PRR16: variants seen among roughly 807,000 people sequenced by gnomAD.
The protein encoded by PRR16 is protein Largen.
A neutral mutation model predicts 18.2 loss-of-function variants in PRR16; 6 were observed. That is an observed-to-expected ratio of 0.33 (90% confidence interval 0.18 to 0.65). The LOEUF is 0.65. Among genes scored for constraint, PRR16 ranks in the 30% least tolerant of loss-of-function variants. The pLI, the probability that PRR16 is intolerant of heterozygous loss-of-function variation, is 0.74. For synonymous variants in PRR16, 151 were observed against 147.8 expected (o/e 1.02, Z -0.16); for missense variants, 412 against 376.6 (o/e 1.09, Z -0.78).
chr5:120,698,402 G>A, the PRR16 span, among the ~76,000 whole-genome samples: 3 of 151,958 alleles, frequency 2.0e-5, no homozygotes, highest in African/African-American at 7.3e-5. Context: ...GTGCCTAAGG[G>A]GTTTCAGCAA....
intron 1 of PRR16, among the ~76,000 whole-genome samples, chr5:120,564,625 T>G (rs1354051429): frequency 2.0e-5 from 3 of 152,060 alleles, no homozygotes; most frequent in African/African-American, 4.8e-5. Flanking sequence ...CAGCCACTAT[T>G]GGGGGGTGGA....
At chr5:120,664,024 C>T (rs1383066521) in intron 1 of PRR16, among the ~76,000 whole-genome samples, 1 of 152,076 alleles carries the variant, frequency 6.6e-6, no homozygotes, top group Admixed American at 6.6e-5. Flanking sequence ...TCTGGCCGGG[C>T]GCGGTGGCTC....
At chr5:120,495,320 A>G (rs1172691379) in intron 1 of PRR16, among the ~76,000 whole-genome samples, 2 of 152,082 alleles carry the variant, frequency 1.3e-5, no homozygotes, top group African/African-American at 4.8e-5. Flanking sequence ...GAGTGATTGT[A>G]AATACATTAG....
Position 120,531,665 on chromosome 5 carries a change from C to T in PRR16, c.159+67020C>T, listed in dbSNP as rs75017769. ...TTTATTTAGGTAGCTTTGTTTTTGA[C>T]GTTTTGCCATTGTCACTATCTAAAT... On this transcript the variant is annotated intron_variant, in intron 1 of 1. Coordinates refer to ENST00000407149, the MANE Select transcript of PRR16 (RefSeq NM_001300783.2). 271 of 152,052 alleles carry T rather than the reference C, an allele frequency of 1.8e-3. 4 individuals are homozygous for T. The highest frequency in any genetic ancestry group is 6.1e-3 in the African/African-American group (253 of 41,488). The allele number at this position is 152,052 out of a possible 1,614,324, so 9.4% of individuals were successfully genotyped here.
rs528024247 is a variant in PRR16, at chr5:120,515,409, A to G, written c.159+50764A>G. Among the ~76,000 whole-genome samples the G allele has an allele frequency of 1.7e-3, 264 of 152,314 alleles. 2 individuals are homozygous for G. The highest frequency in any genetic ancestry group is 5.6e-3 in the South Asian group (27 of 4,830). ...GCAAAAATGTCATATATTTTATCCT[A>G]TTTTCAACACAAGTCCCTTTCTAAA... On this transcript the variant is annotated intron_variant, in intron 1 of 1. Transcript: ENST00000407149.
At chr5:120,499,496 A>G (rs1322674716) in intron 1 of PRR16, among the ~76,000 whole-genome samples, 2 of 151,906 alleles carry the variant, frequency 1.3e-5, no homozygotes, top group Non-Finnish European at 2.9e-5. Flanking sequence ...CTATTGTTAT[A>G]TCTTCAATTC....
intron 1 of PRR16, among the ~76,000 whole-genome samples, chr5:120,621,302 C>A (rs771125937): frequency 2.0e-5 from 3 of 152,000 alleles, no homozygotes; most frequent in South Asian, 2.1e-4. Context: ...TTGCCATTGC[C>A]ACCTGGGCTT....
chr5:120,503,871 T>C (rs982514856), intron 1 of PRR16, among the ~76,000 whole-genome samples: 3 of 151,102 alleles, frequency 2.0e-5, no homozygotes, highest in Non-Finnish European at 4.4e-5. Flanking sequence ...TTCCCACCTA[T>C]GAGTGAGAAC....
chr5:120,566,464 A>T (rs982769339), intron 1 of PRR16, among the ~76,000 whole-genome samples: 2 of 152,090 alleles, frequency 1.3e-5, no homozygotes, highest in East Asian at 3.9e-4. Flanking sequence ...AATCTTGTTG[A>T]GCTTTATGTA....
chr5:120,676,457 GTC>G (rs967321455), intron 1 of PRR16, among the ~76,000 whole-genome samples: 2 of 151,520 alleles, frequency 1.3e-5, no homozygotes, highest in Admixed American at 6.6e-5. Flanking sequence ...TAGACCTTGG[GTC>G]TCTAACAACA....
intron 1 of PRR16, among the ~76,000 whole-genome samples, chr5:120,556,233 GTTTTTTTTTT>G (rs34053155): frequency 1.9e-4 from 23 of 121,760 alleles, no homozygotes; most frequent in Non-Finnish European, 3.2e-4. Flanking sequence ...CAATTTCATT[GTTTTTTTTTT>G]TTTTTTTTTG....
At chr5:120,700,805 G>A in the PRR16 span, among the ~76,000 whole-genome samples, 46 of 152,260 alleles carry the variant, frequency 3.0e-4, no homozygotes, top group South Asian at 1.2e-3. Flanking sequence ...AAAGCTCGGC[G>A]TCGGTGATGG....
intron 1 of PRR16, chr5:120,481,085 CTTTGATA>C: frequency 8.5e-7 from 1 of 1,172,018 alleles, no homozygotes; most frequent in East Asian, 6.5e-5. Context: ...ATCTAATTCC[CTTTGATA>C]TTTGTGAATT....
downstream of PRR16, chr5:120,687,316 G>C (rs1234976527): frequency 6.6e-6 from 1 of 152,128 alleles, no homozygotes; most frequent in Non-Finnish European, 1.5e-5. Flanking sequence ...AAAAGCAAAT[G>C]TTCCTCAGAA....
At chr5:120,671,055 C>T (rs535481939) in intron 1 of PRR16, among the ~76,000 whole-genome samples, 3 of 152,200 alleles carry the variant, frequency 2.0e-5, no homozygotes, top group Admixed American at 2.0e-4. Context: ...TCTGTCTTTA[C>T]ACACTTCCTC....
the PRR16 span, among the ~76,000 whole-genome samples, chr5:120,737,127 C>G: frequency 6.6e-6 from 1 of 152,066 alleles, no homozygotes; most frequent in African/African-American, 2.4e-5. Context: ...CCTAACTGCT[C>G]TGGCTAAGAC....
At chr5:120,667,202 C>T (rs1318091541) in intron 1 of PRR16, among the ~76,000 whole-genome samples, 10 of 151,358 alleles carry the variant, frequency 6.6e-5, no homozygotes, top group Admixed American at 2.6e-4. Flanking sequence ...GTGTATGTGT[C>T]GAGGAATTTA....
At chr5:120,662,996 A>G (rs369078758) in intron 1 of PRR16, among the ~76,000 whole-genome samples, 2 of 152,016 alleles carry the variant, frequency 1.3e-5, no homozygotes, top group East Asian at 1.9e-4. Flanking sequence ...TATTATTCCT[A>G]CTGTCCAGTG....
intron 1 of PRR16, among the ~76,000 whole-genome samples, chr5:120,573,208 A>G (rs1752961717): frequency 6.6e-6 from 1 of 152,138 alleles, no homozygotes; most frequent in African/African-American, 2.4e-5. Context: ...GTTTACTAGA[A>G]TTGTTTCTGG....
Sources: gnomAD v4.1 joint callset for allele counts (sites outside exome capture counted in the v4.1 genomes callset) on GRCh38, gnomAD v4.1.1 for gene constraint, MANE v1.5 for transcripts, NCBI Gene and HGNC (gene_info 2026-07-23, HGNC 2026-07-21) for gene names.